DAW1: variants seen among roughly 807,000 people sequenced by gnomAD.
DAW1 encodes the protein dynein assembly factor with WD repeats 1.
Under a neutral mutation model 56.5 loss-of-function variants are expected in DAW1, and 47 were observed. That is an observed-to-expected ratio of 0.83 (90% CI 0.66 to 1.06). DAW1 has a LOEUF of 1.06. DAW1 is among the 50% of genes least tolerant of loss of function. The pLI, the probability that DAW1 is intolerant of heterozygous loss-of-function variation, is 0.00. For missense variants in DAW1, 505 were observed against 499.3 expected (o/e 1.01, Z -0.11); for synonymous variants, 190 against 179.0 (o/e 1.06, Z -0.49).
chr2:227,914,097 A>C (rs750151845), intron 10 of DAW1, among the ~76,000 whole-genome samples: 1 of 151,772 alleles, frequency 6.6e-6, no homozygotes, highest in Middle Eastern at 3.2e-3. Context: ...AACACATAGG[A>C]CCTCACATCA....
At chr2:227,916,356 A>G (rs1691952392) in intron 10 of DAW1, among the ~76,000 whole-genome samples, 1 of 152,160 alleles carries the variant, frequency 6.6e-6, no homozygotes, top group African/African-American at 2.4e-5. Context: ...ACAACTATAT[A>G]TGGTGCCACA....
intron 10 of DAW1, among the ~76,000 whole-genome samples, chr2:227,915,229 T>C (rs17198015): frequency 0.48 from 73,481 of 151,822 alleles, 18,261 homozygotes; most frequent in Middle Eastern, 0.63. Context: ...CATCCTTTAC[T>C]TGATGATGAT....
intron 1 of DAW1, among the ~76,000 whole-genome samples, chr2:227,881,966 G>A: frequency 6.6e-6 from 1 of 151,948 alleles, no homozygotes; most frequent in East Asian, 1.9e-4. Context: ...TGGCCAGGCT[G>A]ATCTCAAACT....
chr2:227,911,023 T>C (rs1362519764), intron 10 of DAW1, among the ~76,000 whole-genome samples: 1 of 151,958 alleles, frequency 6.6e-6, no homozygotes, highest in African/African-American at 2.4e-5. Flanking sequence ...CCGCCCTATA[T>C]CTGCATTATC....
intron 10 of DAW1, among the ~76,000 whole-genome samples, chr2:227,918,124 C>G (rs145417162): frequency 2.1e-4 from 30 of 144,632 alleles, no homozygotes; most frequent in African/African-American, 5.9e-4. Context: ...ATCCATTTCT[C>G]CATCCATCCA....
At chr2:227,897,668 C>T (rs1230671974) in intron 5 of DAW1, among the ~76,000 whole-genome samples, 2 of 152,162 alleles carry the variant, frequency 1.3e-5, no homozygotes, top group Non-Finnish European at 2.9e-5. Flanking sequence ...TTTGTATTTC[C>T]TTTCTAAACC....
At chr2:227,918,197 AT>A (rs1230704076) in intron 10 of DAW1, among the ~76,000 whole-genome samples, 1 of 145,666 alleles carries the variant, frequency 6.9e-6, no homozygotes, top group African/African-American at 2.5e-5. Flanking sequence ...CCATCCATCC[AT>A]CCATCCATCC....
At chr2:227,909,199 T>G (rs1045562069) in intron 10 of DAW1, among the ~76,000 whole-genome samples, 8 of 151,158 alleles carry the variant, frequency 5.3e-5, no homozygotes, top group Non-Finnish European at 8.8e-5. Context: ...GGGTCCACTA[T>G]ATCACATCAC....
chr2:227,921,827 AC>A (rs1293632156), intron 12 of DAW1, among the ~76,000 whole-genome samples: 1 of 152,248 alleles, frequency 6.6e-6, no homozygotes, highest in Non-Finnish European at 1.5e-5. Flanking sequence ...AGCCTGCCTT[AC>A]AGGTTACTAA....
At chr2:227,911,182 A>G (rs1255246639) in intron 10 of DAW1, among the ~76,000 whole-genome samples, 2 of 149,606 alleles carry the variant, frequency 1.3e-5, no homozygotes, top group East Asian at 3.9e-4. Flanking sequence ...ATAGTTATAT[A>G]TATATGTATA....
chr2:227,920,263 GC>G (rs2106218360), intron 11 of DAW1, among the ~76,000 whole-genome samples: 1 of 152,334 alleles, frequency 6.6e-6, no homozygotes, highest in South Asian at 2.1e-4. Context: ...TCTATGGGGT[GC>G]AAAGCTAAAG....
intron 1 of DAW1, 77 bp downstream of exon 1, chr2:227,871,806 G>A (rs1194496989): frequency 2.5e-6 from 4 of 1,585,452 alleles, no homozygotes; most frequent in East Asian, 2.3e-5. Context: ...GGCGGAGGAG[G>A]GCGCAGCCAC....
intron 2 of DAW1, 133 bp downstream of exon 2, chr2:227,885,556 T>C: frequency 1.8e-6 from 1 of 546,372 alleles, no homozygotes. Flanking sequence ...GTGTGTTAGT[T>C]TCTGTTTGTT....
intron 10 of DAW1, among the ~76,000 whole-genome samples, chr2:227,911,223 C>T (rs1401934565): frequency 6.6e-5 from 3 of 45,752 alleles, no homozygotes; most frequent in African/African-American, 2.1e-4. Context: ...TATATACATA[C>T]ATATGTGTAT....
chr2:227,876,489 T>C, intron 1 of DAW1: 1 of 1,302,304 alleles, frequency 7.7e-7, no homozygotes, highest in Non-Finnish European at 1.0e-6. Flanking sequence ...TACTACTGAA[T>C]AGCAGGTGGG....
chr2:227,899,951 T>C (rs1691499415), intron 6 of DAW1, among the ~76,000 whole-genome samples: 1 of 152,236 alleles, frequency 6.6e-6, no homozygotes, highest in South Asian at 2.1e-4. Flanking sequence ...CTGCTTATTT[T>C]AGAAGTAAAA....
intron 4 of DAW1, among the ~76,000 whole-genome samples, chr2:227,892,026 A>G (rs1015604364): frequency 6.6e-6 from 1 of 152,124 alleles, no homozygotes; most frequent in African/African-American, 2.4e-5. Flanking sequence ...CTCTGCCCTC[A>G]TCTTCACATG....
chr2:227,871,687 A>C lies in DAW1; in HGVS notation c.-3A>C. On this transcript the variant is annotated 5_prime_UTR_variant, in exon 1 of 13. Transcript: ENST00000309931. The stretch of plus-strand genomic sequence containing the variant: ...CATCGGCCGGGGATAAGAGAGCAAG[A>C]AAATGAAGCTCAAGAGCCTCCTGCT... 3 of 1,613,718 alleles carry C rather than the reference A, an allele frequency of 1.9e-6. No homozygotes were observed. Among genetic ancestry groups the C allele is most frequent in the Non-Finnish European group, 2.5e-6 (3 of 1,179,828 alleles).
In DAW1 at chr2:227,889,909, C is replaced by G. The variant is rs751340660; in HGVS notation, c.167C>G (p.Thr56Arg). 1.2e-6 allele frequency: 2 copies of G among 1,611,092 alleles called. No homozygotes were observed. The highest frequency in any genetic ancestry group is 1.7e-5 in the Admixed American group (1 of 59,282). Residue 56 changes from threonine (T) to arginine (R), a missense_variant, in exon 3 of 13, where the codon ACA becomes AGA. Thr to Arg is a moderately conservative substitution (Grantham distance 71, BLOSUM62 -1). Coordinates refer to ENST00000309931, the MANE Select transcript of DAW1 (RefSeq NM_178821.3). ...EEIQKAEPLL[T>R]ASRTEQVKLL... ...ATCCAGAAGGCAGAACCTCTACTCA[C>G]AGCTTCACGAACAGAGCAAGTCAAA...
Sources: allele counts gnomAD v4.1 joint callset (sites outside exome capture counted in the v4.1 genomes callset), GRCh38; gene constraint gnomAD v4.1.1; transcripts MANE v1.5; gene names NCBI Gene and HGNC (gene_info 2026-07-23, HGNC 2026-07-21).